The following SND1 variants were observed in gnomAD, a reference collection of about 807,000 sequenced individuals.
SND1 encodes the protein staphylococcal nuclease and tudor domain containing 1, also known as staphylococcal nuclease domain-containing protein 1.
In SND1, 38 loss-of-function variants were observed where a neutral mutation model predicts 121.7. The observed-to-expected ratio is 0.31, with a 90% CI of 0.24 to 0.41. The LOEUF is 0.41. Among genes scored for constraint, SND1 ranks in the 10% least tolerant of loss-of-function variants. The pLI, the probability that SND1 is intolerant of heterozygous loss-of-function variation, is 1.00. For synonymous variants in SND1, 401 were observed against 447.4 expected, an observed-to-expected ratio of 0.90 and a Z score of 1.31; for missense variants, 868 against 1,184.6, an observed-to-expected ratio of 0.73 and a Z score of 3.92.
chr7:127,954,139 G>T (rs1240698564), intron 15 of SND1, among the ~76,000 whole-genome samples: 1 of 152,180 alleles, frequency 6.6e-6, no homozygotes, highest in Admixed American at 6.5e-5. Context: ...AAATGAGTCA[G>T]GCAGAACCTG....
At chr7:127,682,784 G>A (rs1175148848) in intron 1 of SND1, among the ~76,000 whole-genome samples, 1 of 152,154 alleles carries the variant, frequency 6.6e-6, no homozygotes, top group African/African-American at 2.4e-5. Context: ...AGAAATTTTT[G>A]TCTGCTTTGT....
chr7:127,765,644 T>C (rs1212627371), intron 10 of SND1, among the ~76,000 whole-genome samples: 1 of 152,206 alleles, frequency 6.6e-6, no homozygotes, highest in East Asian at 1.9e-4. Context: ...GAGAATTTCT[T>C]GTATTTTAGC....
intron 1 of SND1, among the ~76,000 whole-genome samples, chr7:127,684,751 A>G (rs888062092): frequency 6.6e-6 from 1 of 152,176 alleles, no homozygotes; most frequent in Admixed American, 6.5e-5. Context: ...CGTGCCTGTA[A>G]CTGGATTAGG....
intron 13 of SND1, among the ~76,000 whole-genome samples, chr7:127,896,453 C>T (rs534050106): frequency 2.2e-4 from 34 of 152,104 alleles, no homozygotes; most frequent in Non-Finnish European, 3.8e-4. Context: ...CACTATCGCT[C>T]GGAAACTTGT....
At chr7:127,995,302 G>A (rs1802622111) in intron 16 of SND1, among the ~76,000 whole-genome samples, 1 of 152,194 alleles carries the variant, frequency 6.6e-6, no homozygotes, top group African/African-American at 2.4e-5. Flanking sequence ...CTGTGACTAT[G>A]AGCTGAGTGC....
At chr7:127,987,653 C>A (rs563619833) in intron 15 of SND1, among the ~76,000 whole-genome samples, 2 of 152,304 alleles carry the variant, frequency 1.3e-5, no homozygotes, top group African/African-American at 4.8e-5. Flanking sequence ...AGGACCTGCC[C>A]CGTCCTTCCA....
intron 10 of SND1, among the ~76,000 whole-genome samples, chr7:127,765,561 A>G (rs1409164769): frequency 2.0e-5 from 3 of 152,224 alleles, no homozygotes; most frequent in African/African-American, 7.2e-5. Context: ...AATCTCTTGT[A>G]AGTGCTGAGA....
intron 15 of SND1, among the ~76,000 whole-genome samples, chr7:127,988,067 TCTTA>T (rs1802435466): frequency 1.3e-5 from 2 of 152,236 alleles, no homozygotes; most frequent in Admixed American, 6.5e-5. Context: ...ATTGAAGGCT[TCTTA>T]CTTCCATTGG....
chr7:127,658,141 A>G (rs942215724), intron 1 of SND1, among the ~76,000 whole-genome samples: 1 of 152,008 alleles, frequency 6.6e-6, no homozygotes, highest in Non-Finnish European at 1.5e-5. Context: ...GCGAAACCCT[A>G]TCTCTACTAA....
chr7:128,052,432 A>G lies in SND1; in HGVS notation c.1780-22070A>G, dbSNP rs1432035336. On this transcript the variant is annotated intron_variant, in intron 16 of 23. Transcript: ENST00000354725. This position sits in a 1 kb window ranked among gnomAD's most constrained non-coding sequence, Gnocchi z 4.6. ...CCACAGCTTGTCTTCCCGCCCAGGAAAGGGTATTTGGAAGAAGCTCCATCC... is the reference window on the plus strand; with the variant it reads ...CCACAGCTTGTCTTCCCGCCCAGGAGAGGGTATTTGGAAGAAGCTCCATCC... Among the ~76,000 whole-genome samples the G allele has an allele frequency of 2.0e-5, 3 of 152,140 alleles. No homozygotes were observed. The highest frequency in any genetic ancestry group is 2.0e-4 in the Admixed American group (3 of 15,282).
chr7:128,067,409 G>A (rs1584770978), intron 16 of SND1, among the ~76,000 whole-genome samples: 2 of 152,204 alleles, frequency 1.3e-5, no homozygotes, highest in Non-Finnish European at 2.9e-5. Flanking sequence ...TGCCTCTAAA[G>A]CCTGTCTGTG....
intron 16 of SND1, among the ~76,000 whole-genome samples, chr7:128,001,816 A>G (rs1353548746): frequency 6.6e-6 from 1 of 152,208 alleles, no homozygotes; most frequent in East Asian, 1.9e-4. Flanking sequence ...CTGTAATCCC[A>G]ACTATTTGGG....
intron 10 of SND1, among the ~76,000 whole-genome samples, chr7:127,754,344 T>G (rs1797156549): frequency 6.6e-6 from 1 of 152,216 alleles, no homozygotes; most frequent in East Asian, 1.9e-4. Flanking sequence ...ATCAGTATCC[T>G]TGCCAGAACC....
At chr7:127,953,982 C>T (rs751871426) in intron 15 of SND1, among the ~76,000 whole-genome samples, 2 of 152,140 alleles carry the variant, frequency 1.3e-5, no homozygotes, top group African/African-American at 4.8e-5. Flanking sequence ...AGATGAACTG[C>T]ATTTAGATTT....
chr7:127,781,357 A>G (rs1486233919), intron 10 of SND1, among the ~76,000 whole-genome samples: 1 of 152,208 alleles, frequency 6.6e-6, no homozygotes, highest in African/African-American at 2.4e-5. Context: ...TGCCTTCACT[A>G]TGTGGCAATC....
intron 15 of SND1, among the ~76,000 whole-genome samples, chr7:127,972,026 C>T (rs985086450): frequency 5.9e-5 from 9 of 152,120 alleles, no homozygotes; most frequent in East Asian, 5.8e-4. Context: ...CCACCCGCCT[C>T]GGCCTCCCAA....
intron 15 of SND1, among the ~76,000 whole-genome samples, chr7:127,952,222 T>TTATA (rs1801477426): frequency 6.6e-6 from 1 of 152,244 alleles, no homozygotes; most frequent in Admixed American, 6.5e-5. Context: ...ATGTATATTC[T>TTATA]TATATATAAG....
chr7:128,059,237 T>A (rs1793192679), intron 16 of SND1, among the ~76,000 whole-genome samples: 1 of 152,168 alleles, frequency 6.6e-6, no homozygotes, highest in Admixed American at 6.5e-5. Flanking sequence ...CAGAGCTGGC[T>A]CTCTCCCTTG....
intron 12 of SND1, among the ~76,000 whole-genome samples, chr7:127,872,693 T>C (rs1269037921): frequency 1.3e-5 from 2 of 151,626 alleles, no homozygotes; most frequent in Non-Finnish European, 2.9e-5. Context: ...AGTGAATCTT[T>C]TTTAGAATGT....
Sources: gnomAD v4.1 joint callset for allele counts (sites outside exome capture counted in the v4.1 genomes callset) on GRCh38, gnomAD v4.1.1 for gene constraint, Gnocchi (gnomAD v3.1) non-coding constraint, MANE v1.5 for transcripts, NCBI Gene and HGNC (gene_info 2026-07-23, HGNC 2026-07-21) for gene names.